RELL1: variants seen among roughly 807,000 people sequenced by gnomAD.
The protein encoded by RELL1 is RELT like 1.
Under a neutral mutation model 23.0 loss-of-function variants are expected in RELL1, and 10 were observed. The observed-to-expected ratio is 0.43, with a 90% CI of 0.27 to 0.74. RELL1 has a LOEUF of 0.74. Ranked by LOEUF, RELL1 falls within the 30% of genes least tolerant of loss-of-function variation. The pLI, the probability that RELL1 is intolerant of heterozygous loss-of-function variation, is 0.19. For synonymous variants in RELL1, 146 were observed against 146.8 expected, an observed-to-expected ratio of 0.99 and a Z score of 0.04; for missense variants, 315 against 364.4, an observed-to-expected ratio of 0.86 and a Z score of 1.10.
At chr4:37,595,362 G>C (rs1718796432) in intron 6 of RELL1, among the ~76,000 whole-genome samples, 1 of 152,192 alleles carries the variant, frequency 6.6e-6, no homozygotes, top group South Asian at 2.1e-4. Flanking sequence ...TAGTCACTTG[G>C]AGTCAACTAT....
chr4:37,651,057 C>CAA (rs370325360), intron 1 of RELL1, among the ~76,000 whole-genome samples: 6 of 120,838 alleles, frequency 5.0e-5, no homozygotes, highest in East Asian at 2.6e-4. Context: ...AAGACTGTCT[C>CAA]AAAAAAAAAA....
intron 1 of RELL1, among the ~76,000 whole-genome samples, chr4:37,659,642 G>A (rs1295262693): frequency 6.6e-6 from 1 of 151,946 alleles, no homozygotes; most frequent in African/African-American, 2.4e-5. Flanking sequence ...CACCTCCCTG[G>A]GCCTCAGTTT....
intron 6 of RELL1, among the ~76,000 whole-genome samples, chr4:37,619,158 C>T (rs1214553983): frequency 1.3e-5 from 2 of 151,086 alleles, no homozygotes; most frequent in African/African-American, 2.4e-5. Context: ...GGATCACAGG[C>T]GTGAGCCACT....
intron 1 of RELL1, among the ~76,000 whole-genome samples, chr4:37,653,424 A>ACAAG (rs1233328627): frequency 6.6e-6 from 1 of 151,338 alleles, no homozygotes; most frequent in Non-Finnish European, 1.5e-5. Flanking sequence ...AAACCTCAAT[A>ACAAG]TTCAATACAA....
At chr4:37,625,624 C>T (rs894491007) in intron 6 of RELL1, among the ~76,000 whole-genome samples, 67 of 152,126 alleles carry the variant, frequency 4.4e-4, no homozygotes, top group African/African-American at 1.5e-3. Context: ...CCATCAAATC[C>T]AAATTTGAGC....
chr4:37,587,916 C>T (rs1031734618), downstream of RELL1, among the ~76,000 whole-genome samples: 1 of 152,094 alleles, frequency 6.6e-6, no homozygotes, highest in Non-Finnish European at 1.5e-5. Flanking sequence ...TTGCAGTGAG[C>T]CGAGATTGCG....
In RELL1 at chr4:37,685,787, AGC is replaced by A. The variant is rs202022506; in HGVS notation, c.88+411_88+412del. ...TTAAAAGGGAGAAGGAGGCGCCGAC[AGC>A]GCACCCGGTGCTCTGTGTCACGATC... is the stretch of plus-strand genomic sequence containing the variant. On this transcript the variant is annotated intron_variant, in intron 1 of 6. Transcript: ENST00000454158. Among the ~76,000 whole-genome samples, 584 of 152,366 alleles carry A rather than the reference AGC, an allele frequency of 3.8e-3. 4 individuals are homozygous for A. The highest frequency in any genetic ancestry group is 0.014 in the African/African-American group (568 of 41,604).
At chr4:37,591,177 C>T (rs1718592161) in exon 7 of RELL1, 1 of 588,706 alleles carries the variant, frequency 1.7e-6, no homozygotes, top group Non-Finnish European at 3.0e-6. Context: ...TGTCACATAT[C>T]TGGAGTTTCA....
At chr4:37,592,818 C>T (rs1367947279) in intron 6 of RELL1, among the ~76,000 whole-genome samples, 2 of 152,216 alleles carry the variant, frequency 1.3e-5, no homozygotes, top group African/African-American at 4.8e-5. Context: ...GCACACTAGG[C>T]ACTCAAAAAT....
chr4:37,605,843 GAAGGA>G (rs147610818), downstream of RELL1, among the ~76,000 whole-genome samples: 3,726 of 87,406 alleles, frequency 0.043, 135 homozygotes, highest in Middle Eastern at 0.14. Flanking sequence ...AAGAAAGAAA[GAAGGA>G]AAAGAAAAGA....
chr4:37,660,975 G>A (rs1346835121), intron 1 of RELL1, among the ~76,000 whole-genome samples: 1 of 151,626 alleles, frequency 6.6e-6, no homozygotes, highest in Non-Finnish European at 1.5e-5. Flanking sequence ...AGCTTGCAGT[G>A]AGCCGAGACT....
chr4:37,635,603 A>T (rs1560339424), intron 4 of RELL1, among the ~76,000 whole-genome samples: 1 of 152,182 alleles, frequency 6.6e-6, no homozygotes, highest in Non-Finnish European at 1.5e-5. Context: ...TCCAGCCTGG[A>T]TGACAGAGTG....
chr4:37,653,714 G>A (rs1721029829), intron 1 of RELL1, among the ~76,000 whole-genome samples: 1 of 152,120 alleles, frequency 6.6e-6, no homozygotes, highest in Non-Finnish European at 1.5e-5. Context: ...GAATGTGTTG[G>A]GAATGATGCA....
chr4:37,669,304 T>TA (rs1167868376), intron 1 of RELL1, among the ~76,000 whole-genome samples: 1 of 129,522 alleles, frequency 7.7e-6, no homozygotes. Flanking sequence ...CGGCCGCCTC[T>TA]ACTGGGAAGT....
At chr4:37,586,512 G>C (rs1332538780), downstream of RELL1, among the ~76,000 whole-genome samples, 1 of 152,200 alleles carries the variant, frequency 6.6e-6, no homozygotes, top group African/African-American at 2.4e-5. Context: ...CTCCCAGGAA[G>C]AGTTGGAAGG....
chr4:37,655,089 T>C (rs1450264347), intron 1 of RELL1, among the ~76,000 whole-genome samples: 1 of 152,172 alleles, frequency 6.6e-6, no homozygotes, highest in African/African-American at 2.4e-5. Context: ...TGAGGTCTGA[T>C]GGATGCTAGG....
At chr4:37,653,294 T>A (rs986481262) in intron 1 of RELL1, among the ~76,000 whole-genome samples, 13 of 146,730 alleles carry the variant, frequency 8.9e-5, no homozygotes, top group African/African-American at 3.2e-4. Context: ...AATGTGAACA[T>A]CTGCTCCCTC....
intron 1 of RELL1, among the ~76,000 whole-genome samples, chr4:37,683,775 AAAAT>A (rs1722298620): frequency 6.8e-6 from 1 of 146,536 alleles, no homozygotes. Flanking sequence ...AATAAAAATA[AAAAT>A]AAATAAACAA....
chr4:37,668,079 ATT>A lies in RELL1; in HGVS notation c.88+18119_88+18120del, dbSNP rs144775704. Among the ~76,000 whole-genome samples the A allele has an allele frequency of 3.8e-3, 581 of 152,040 alleles. 7 individuals carry two copies. The highest frequency in any genetic ancestry group is 2.8e-3 in the Non-Finnish European group (189 of 67,964). On this transcript the variant is annotated intron_variant, in intron 1 of 6. Transcript: ENST00000454158. ...TATCAAAGTGGTAAGATTATAAGTC[ATT>A]TTTTTTCTTTAGTGTTTTGTGTCTT...
Sources: gnomAD v4.1 joint callset for allele counts (sites outside exome capture counted in the v4.1 genomes callset) on GRCh38, gnomAD v4.1.1 for gene constraint, MANE v1.5 for transcripts, NCBI Gene and HGNC (gene_info 2026-07-23, HGNC 2026-07-21) for gene names.